SYNE2: variants seen among roughly 807,000 people sequenced by gnomAD.
The protein encoded by SYNE2 is nesprin-2.
SYNE2 carries 431 observed loss-of-function variants against 856.3 expected under a neutral mutation model. The ratio of observed to expected loss-of-function variants is 0.50; its 90% CI spans 0.47 to 0.55. The LOEUF (loss-of-function observed/expected upper bound fraction) is 0.55. SYNE2 is among the 20% of genes least tolerant of loss of function. The pLI is 0.00. For missense variants in SYNE2, 8,129 were observed against 8,023.2 expected, an observed-to-expected ratio of 1.01 and a Z score of -0.50; for synonymous variants, 2,923 against 2,872.3, an observed-to-expected ratio of 1.02 and a Z score of -0.56.
rs755405986 is a variant in SYNE2 at position 64,175,044 on chromosome 14, C to G, written c.17336C>G (p.Ser5779Cys). 2 of 1,614,160 alleles carry G rather than the reference C, an allele frequency of 1.2e-6. No homozygotes were observed. The highest frequency in any genetic ancestry group is 3.3e-5 in the Admixed American group (2 of 60,024). Residue 5779 changes from serine (S) to cysteine (C), a missense_variant, in exon 95 of 116, where the codon TCT becomes TGT. Physicochemically the swap from Ser to Cys is moderately radical, Grantham distance 112. Coordinates refer to ENST00000555002, the MANE Select transcript of SYNE2 (RefSeq NM_182914.3). ...LLTTDLKTKE[S>C]VGRRISQLQD... ...ACAACTGACCTGAAAACTAAAGAGTCTGTGGGTAGGAGAATCAGTCAACTT... is the reference window on the plus strand; with the variant it reads ...ACAACTGACCTGAAAACTAAAGAGTGTGTGGGTAGGAGAATCAGTCAACTT...
chr14:64,083,871 G>A (rs2097541182), intron 57 of SYNE2, among the ~76,000 whole-genome samples: 2 of 151,998 alleles, frequency 1.3e-5, no homozygotes, highest in South Asian at 4.1e-4. Flanking sequence ...TACTACTGTT[G>A]TAAGAATAAC....
At chr14:63,955,002 A>G in intron 8 of SYNE2, 87 bp downstream of exon 8, 1 of 1,103,674 alleles carries the variant, frequency 9.1e-7, no homozygotes, top group Non-Finnish European at 1.4e-6. Context: ...GAATAAACAT[A>G]GTGGCACTCT....
At chr14:63,919,971 A>ATTTTTTTTTTTTTTTTTT (rs2095577326) in intron 2 of SYNE2, among the ~76,000 whole-genome samples, 3 of 94,576 alleles carry the variant, frequency 3.2e-5, no homozygotes, top group Admixed American at 9.9e-5. Flanking sequence ...ATAAAAGGTA[A>ATTTTTTTTTTTTTTTTTT]GTTTTTTTTT....
At chr14:63,959,682 C>A (rs2096285514) in intron 8 of SYNE2, among the ~76,000 whole-genome samples, 2 of 152,016 alleles carry the variant, frequency 1.3e-5, no homozygotes, top group South Asian at 4.1e-4. Context: ...TTACCCCTAT[C>A]TTTTTTTACC....
chr14:63,845,363 C>A (rs1023281411), intron 1 of SYNE2, among the ~76,000 whole-genome samples: 2 of 151,620 alleles, frequency 1.3e-5, no homozygotes, highest in African/African-American at 4.8e-5. Context: ...TTGCAGTGAG[C>A]CGAGATCATG....
intron 48 of SYNE2, among the ~76,000 whole-genome samples, chr14:64,054,199 A>C (rs1309465009): frequency 2.0e-5 from 3 of 151,916 alleles, no homozygotes; most frequent in African/African-American, 7.3e-5. Context: ...GACAAATCTG[A>C]CTCTTATTTC....
intron 11 of SYNE2, among the ~76,000 whole-genome samples, chr14:63,969,587 C>T (rs960078785): frequency 2.0e-5 from 3 of 151,832 alleles, no homozygotes; most frequent in Non-Finnish European, 4.4e-5. Flanking sequence ...GTGATCCACC[C>T]GCCTCGGCCT....
intron 1 of SYNE2, among the ~76,000 whole-genome samples, chr14:63,832,477 T>C (rs1011216189): frequency 2.0e-5 from 3 of 151,954 alleles, no homozygotes; most frequent in African/African-American, 7.2e-5. Context: ...TCCTCTAATC[T>C]CTGAGGTCTG....
At chr14:64,158,337 A>G (rs1567496423) in intron 85 of SYNE2, among the ~76,000 whole-genome samples, 1 of 152,196 alleles carries the variant, frequency 6.6e-6, no homozygotes, top group Admixed American at 6.5e-5. Flanking sequence ...GCACTCACAA[A>G]TTCTAATACT....
intron 79 of SYNE2, among the ~76,000 whole-genome samples, chr14:64,139,029 G>T (rs1030404099): frequency 6.6e-6 from 1 of 151,154 alleles, no homozygotes; most frequent in African/African-American, 2.4e-5. Context: ...TGTCACCCAG[G>T]CTGGAGTGCA....
At chr14:63,981,937 TCTTC>T (rs1297093441) in intron 16 of SYNE2, among the ~76,000 whole-genome samples, 1 of 152,222 alleles carries the variant, frequency 6.6e-6, no homozygotes, top group Non-Finnish European at 1.5e-5. Flanking sequence ...GAAATTCAAA[TCTTC>T]GTCTTCCAAC....
rs572672283 is a variant in SYNE2 at position 64,010,002 on chromosome 14, A to G, written c.4614A>G (p.Lys1538=). The G allele has an allele frequency of 7.7e-4, 1,249 of 1,614,000 alleles. 18 individuals carry two copies. The South Asian group carries it at 0.013, about 17-fold the overall frequency. Residue 1538 remains lysine (K), a synonymous_variant, in exon 32 of 116, where the codon AAA becomes AAG. Transcript: ENST00000555002. ...GTGGGAGAGTTTTGGAGCTCTTAAA[A>G]CAATATCAGAATTTTAAAAGCATCT... ...EQCGRVLELL[K]QYQNFKSILT...
intron 1 of SYNE2, among the ~76,000 whole-genome samples, chr14:63,900,565 G>A (rs2095323875): frequency 6.6e-6 from 1 of 152,158 alleles, no homozygotes; most frequent in South Asian, 2.1e-4. Context: ...TTCCTCCCAT[G>A]ACACGTGGGA....
chr14:64,215,311 G>A lies in SYNE2; in HGVS notation c.19359G>A (p.Glu6453=). ...ATGTAGAAATCCCTGAAAATCCTGAGGCATATCTTAAAATGACCACAAAAA... is the reference window on the plus strand; with the variant it reads ...ATGTAGAAATCCCTGAAAATCCTGAAGCATATCTTAAAATGACCACAAAAA... ...LSDVEIPENP[E]AYLKMTTKTL... is the part of the protein sequence containing the mutation. The change falls in exon 107 of 116, where the codon GAG becomes GAA. Residue 6453 remains glutamate, a synonymous_variant. Transcript: ENST00000555002. The A allele has an allele frequency of 6.2e-7, 1 of 1,614,142 alleles. No individual in the cohort carries two copies. The highest frequency in any genetic ancestry group is 8.5e-7 in the Non-Finnish European group (1 of 1,180,024).
At position 64,052,354 on chromosome 14, in the gene SYNE2, A is replaced by G. The variant is rs1233331970; in HGVS notation, c.8441A>G (p.Gln2814Arg). 6.2e-7 allele frequency: 1 copy of G among 1,614,194 alleles called. No individual in the cohort carries two copies. Among genetic ancestry groups the G allele is most frequent in the Admixed American group, 1.7e-5 (1 of 60,014 alleles). The stretch of plus-strand genomic sequence containing the variant: ...AATACCCTAGAGGACTTACGGAATC[A>G]ATACCAAATGCTGGTTTTAAAATCA... ...LNNTLEDLRN[Q>R]YQMLVLKSTQ... Residue 2814 changes from glutamine to arginine, a missense_variant, in exon 48 of 116, where the codon CAA (glutamine) becomes CGA (arginine). By Grantham distance (43) the Gln-to-Arg change is conservative. Coordinates refer to ENST00000555002, the MANE Select transcript of SYNE2 (RefSeq NM_182914.3).
chr14:64,194,702 T>C (rs1274802447), intron 99 of SYNE2, among the ~76,000 whole-genome samples: 2 of 152,234 alleles, frequency 1.3e-5, no homozygotes, highest in South Asian at 4.1e-4. Flanking sequence ...CCAATATGTG[T>C]GTTCCTCTGT....
At chr14:63,927,174 G>C (rs2095679362) in intron 2 of SYNE2, among the ~76,000 whole-genome samples, 1 of 152,214 alleles carries the variant, frequency 6.6e-6, no homozygotes, top group Non-Finnish European at 1.5e-5. Context: ...GAGTAATTCG[G>C]GTAAGTTTGG....
chr14:63,919,644 G>T (rs1045935161), intron 2 of SYNE2, among the ~76,000 whole-genome samples: 4 of 152,186 alleles, frequency 2.6e-5, no homozygotes, highest in Admixed American at 6.5e-5. Flanking sequence ...AGAAGGAGTA[G>T]CCAGTGACAA....
chr14:64,004,868 C>G (rs374222205), intron 30 of SYNE2, among the ~76,000 whole-genome samples: 63 of 152,274 alleles, frequency 4.1e-4, no homozygotes, highest in African/African-American at 1.3e-3. Context: ...CAGCAAGACC[C>G]TCTCTCAAAG....
Sources: gnomAD v4.1 joint callset for allele counts (sites outside exome capture counted in the v4.1 genomes callset) on GRCh38, gnomAD v4.1.1 for gene constraint, MANE v1.5 for transcripts, NCBI Gene and HGNC (gene_info 2026-07-23, HGNC 2026-07-21) for gene names.